FAM110B: variants seen among roughly 807,000 people sequenced by gnomAD.
The protein encoded by FAM110B is protein FAM110B.
FAM110B carries 6 observed loss-of-function variants against 20.4 expected under a neutral mutation model. The observed-to-expected ratio is 0.29, with a 90% confidence interval of 0.16 to 0.58. The LOEUF is 0.58. FAM110B is among the 20% of genes least tolerant of loss of function. The probability of loss-of-function intolerance (pLI) is 0.90; values close to 1 mark genes in which losing one functional copy is unlikely to be tolerated. For missense variants in FAM110B, 434 were observed against 498.2 expected, an observed-to-expected ratio of 0.87 and a Z score of 1.23; for synonymous variants, 226 against 214.1, an observed-to-expected ratio of 1.06 and a Z score of -0.49.
At chr8:58,085,067 CA>C (rs1806299506) in intron 3 of FAM110B, among the ~76,000 whole-genome samples, 2 of 152,238 alleles carry the variant, frequency 1.3e-5, no homozygotes, top group African/African-American at 4.8e-5. Context: ...CAATTGGCAT[CA>C]AAAACAGGAG....
rs1278395600 is a variant in FAM110B at position 58,039,288 on chromosome 8, G to C, written c.-414+7585G>C. On this transcript the variant is annotated intron_variant, in intron 2 of 3. Coordinates refer to ENST00000519262, the MANE Select transcript of FAM110B (RefSeq NM_001377989.1). ...TCTTAGATCAGCCTTAATTTGACTG[G>C]AAGAGGAAACTCATTTCCTGCAGAG... Among the ~76,000 whole-genome samples the C allele has an allele frequency of 4.6e-5, 7 of 152,158 alleles. No homozygotes were observed. The East Asian group carries it at 7.7e-4, about 17-fold the overall frequency.
At chr8:58,055,691 A>G (rs569938216) in intron 2 of FAM110B, among the ~76,000 whole-genome samples, 59 of 152,326 alleles carry the variant, frequency 3.9e-4, no homozygotes, top group African/African-American at 1.4e-3. Context: ...AGCCAATCCT[A>G]GTCAAATGAA....
Position 58,146,929 on chromosome 8 carries a change from C to G in FAM110B, c.699C>G (p.Ile233Met), listed in dbSNP as rs372969421. Residue 233 changes from isoleucine (I) to methionine (M), a missense_variant, in exon 4 of 4, where the codon ATC becomes ATG. Physicochemically the swap from Ile to Met is conservative, Grantham distance 10. Transcript: ENST00000519262. ...CTCCCAAGCCCAAAATCGCAGCCAT[C>G]GCCTCCATGAAGTCCCCCGAGGCCG... ...PLPPKPKIAA[I>M]ASMKSPEADP... The G allele has an allele frequency of 1.2e-6, 2 of 1,614,092 alleles. No individual in the cohort carries two copies. Among genetic ancestry groups the G allele is most frequent in the African/African-American group, 2.7e-5 (2 of 74,928 alleles).
chr8:58,093,837 G>A (rs2150605284), intron 3 of FAM110B, among the ~76,000 whole-genome samples: 1 of 152,232 alleles, frequency 6.6e-6, no homozygotes, highest in African/African-American at 2.4e-5. Flanking sequence ...GTTACTTTGG[G>A]CTGTATGGCC....
intron 3 of FAM110B, among the ~76,000 whole-genome samples, chr8:58,127,238 A>C (rs1467105799): frequency 1.3e-5 from 2 of 152,194 alleles, no homozygotes; most frequent in Non-Finnish European, 2.9e-5. Context: ...TCTGGGTTAT[A>C]TGTTGTGCTC....
chr8:58,006,901 G>A (rs957554264), intron 1 of FAM110B, among the ~76,000 whole-genome samples: 6 of 97,536 alleles, frequency 6.2e-5, no homozygotes, highest in Admixed American at 1.0e-4. Flanking sequence ...GGCTTAATTG[G>A]TATATATATA....
intron 3 of FAM110B, among the ~76,000 whole-genome samples, chr8:58,135,272 T>G (rs571752879): frequency 1.3e-5 from 2 of 152,330 alleles, no homozygotes; most frequent in East Asian, 3.9e-4. Flanking sequence ...AAGGCATTAT[T>G]ACAGTTCTGG....
chr8:58,027,993 C>T (rs56128341), intron 1 of FAM110B, among the ~76,000 whole-genome samples: 28,248 of 152,112 alleles, frequency 0.19, 3,626 homozygotes, highest in African/African-American at 0.36. Flanking sequence ...TCATATCGTA[C>T]GTGCTTAACT....
At chr8:58,028,435 T>C (rs1390983333) in intron 1 of FAM110B, among the ~76,000 whole-genome samples, 1 of 152,160 alleles carries the variant, frequency 6.6e-6, no homozygotes, top group Non-Finnish European at 1.5e-5. Flanking sequence ...CCTTTTAAAA[T>C]TAGCCATCTT....
chr8:58,117,781 C>T (rs1194813300), intron 3 of FAM110B, among the ~76,000 whole-genome samples: 1 of 152,004 alleles, frequency 6.6e-6, no homozygotes, highest in African/African-American at 2.4e-5. Flanking sequence ...TAGTATGTGC[C>T]TAATGAATAT....
At chr8:58,100,250 T>G (rs1452452558) in intron 3 of FAM110B, among the ~76,000 whole-genome samples, 3 of 136,450 alleles carry the variant, frequency 2.2e-5, no homozygotes, top group African/African-American at 3.4e-5. Context: ...CCTTTAGATT[T>G]TGAAAAAAAA....
At chr8:58,043,443 A>AT (rs1477202663) in intron 2 of FAM110B, 1 of 151,198 alleles carries the variant, frequency 6.6e-6, no homozygotes, top group African/African-American at 2.4e-5. Context: ...TTATTTATTT[A>AT]TTTTTTATTT....
intron 3 of FAM110B, among the ~76,000 whole-genome samples, chr8:58,138,236 C>A (rs1184612198): frequency 1.3e-5 from 2 of 152,258 alleles, no homozygotes; most frequent in Non-Finnish European, 2.9e-5. Context: ...CACGCCTCTG[C>A]TCAGCTAGTG....
At chr8:58,143,761 G>T (rs767695120) in intron 3 of FAM110B, among the ~76,000 whole-genome samples, 4 of 152,168 alleles carry the variant, frequency 2.6e-5, no homozygotes, top group Non-Finnish European at 5.9e-5. Context: ...GGAAGGCCAC[G>T]CCAGTGGTGT....
chr8:58,008,126 A>ATTT (rs71248160), intron 1 of FAM110B, among the ~76,000 whole-genome samples: 1,523 of 115,948 alleles, frequency 0.013, 22 homozygotes, highest in Non-Finnish European at 0.02. Flanking sequence ...AAAAGCTTGC[A>ATTT]TTTTTTTTTT....
At chr8:58,024,172 C>CTTTTTTTTT (rs10651271) in intron 1 of FAM110B, among the ~76,000 whole-genome samples, 5 of 129,532 alleles carry the variant, frequency 3.9e-5, no homozygotes, top group African/African-American at 1.4e-4. Context: ...TTTCACTGTG[C>CTTTTTTTTT]TTTTTTTTTT....
rs1026802828 is a variant in FAM110B at position 58,062,278 on chromosome 8, G to A, written c.-413-13257G>A. Among the ~76,000 whole-genome samples, 4 of 152,170 alleles carry A rather than the reference G, an allele frequency of 2.6e-5. No individual in the cohort carries two copies. In the East Asian group the frequency reaches 7.7e-4, roughly 29 times the overall value. ...ATACAGAAAAATCATCACTGTTTAT[G>A]CATGGCGTAACATTTCTAAAAAGAA... On this transcript the variant is annotated intron_variant, in intron 2 of 3. Transcript: ENST00000519262.
intron 1 of FAM110B, among the ~76,000 whole-genome samples, chr8:58,017,902 A>AG (rs779830426): frequency 6.6e-5 from 10 of 152,210 alleles, no homozygotes; most frequent in Non-Finnish European, 1.5e-4. Context: ...CCAGGACTAG[A>AG]GAAAAACATG....
chr8:58,048,938 G>A (rs2150579904), intron 2 of FAM110B, among the ~76,000 whole-genome samples: 1 of 152,326 alleles, frequency 6.6e-6, no homozygotes, highest in African/African-American at 2.4e-5. Context: ...TTATCGTGGG[G>A]AAGTCTCTCA....
Sources: gnomAD v4.1 joint callset for allele counts (sites outside exome capture counted in the v4.1 genomes callset) on GRCh38, gnomAD v4.1.1 for gene constraint, MANE v1.5 for transcripts, NCBI Gene and HGNC (gene_info 2026-07-23, HGNC 2026-07-21) for gene names.